Variants in CERS6 observed in about 807,000 individuals in gnomAD.
CERS6 encodes ceramide synthase 6, also known as LAG1 homolog, ceramide synthase 6.
Under a neutral mutation model 56.8 loss-of-function variants are expected in CERS6, and 26 were observed. That is an observed-to-expected ratio of 0.46 (90% confidence interval 0.34 to 0.63). The LOEUF is 0.63. Ranked by LOEUF, CERS6 falls within the 30% of genes least tolerant of loss-of-function variation. The pLI, the probability that CERS6 is intolerant of heterozygous loss-of-function variation, is 0.01. For missense variants in CERS6, 415 were observed against 467.5 expected (o/e 0.89, Z 1.04); for synonymous variants, 164 against 173.3 (o/e 0.95, Z 0.42).
intron 3 of CERS6, among the ~76,000 whole-genome samples, chr2:168,593,898 A>G (rs1228358511): frequency 6.6e-6 from 1 of 152,250 alleles, no homozygotes; most frequent in Non-Finnish European, 1.5e-5. Context: ...AACTTGAACC[A>G]GCCTTAACCA....
intron 1 of CERS6, among the ~76,000 whole-genome samples, chr2:168,544,950 C>G (rs910143177): frequency 6.6e-6 from 1 of 151,754 alleles, no homozygotes; most frequent in Admixed American, 6.6e-5. Context: ...TGGCTTGTTT[C>G]AGTGTAGCTG....
At chr2:168,614,631 C>T (rs1399250436) in intron 3 of CERS6, among the ~76,000 whole-genome samples, 3 of 152,170 alleles carry the variant, frequency 2.0e-5, no homozygotes, top group African/African-American at 4.8e-5. Context: ...CTGCATGACA[C>T]AGCAGAGGCA....
At chr2:168,531,334 T>C (rs1391935279) in intron 1 of CERS6, among the ~76,000 whole-genome samples, 1 of 152,204 alleles carries the variant, frequency 6.6e-6, no homozygotes, top group Admixed American at 6.5e-5. Flanking sequence ...GAAATAATTA[T>C]AGATTCACAG....
At chr2:168,698,933 A>G (rs1020586942) in intron 6 of CERS6, among the ~76,000 whole-genome samples, 1 of 152,190 alleles carries the variant, frequency 6.6e-6, no homozygotes, top group Non-Finnish European at 1.5e-5. Flanking sequence ...TCTGCTGGTC[A>G]GATTAGATTT....
At chr2:168,499,832 A>G (rs1421186626) in intron 1 of CERS6, among the ~76,000 whole-genome samples, 1 of 152,194 alleles carries the variant, frequency 6.6e-6, no homozygotes, top group African/African-American at 2.4e-5. Context: ...GGGAACTGCT[A>G]TACCCAAAAA....
chr2:168,652,710 A>G (rs1273886868), intron 4 of CERS6, among the ~76,000 whole-genome samples: 1 of 152,092 alleles, frequency 6.6e-6, no homozygotes, highest in Non-Finnish European at 1.5e-5. Flanking sequence ...AAACCAATTT[A>G]TTACTACATA....
chr2:168,503,589 G>A (rs1224511704), intron 1 of CERS6, among the ~76,000 whole-genome samples: 1 of 152,166 alleles, frequency 6.6e-6, no homozygotes, highest in Non-Finnish European at 1.5e-5. Flanking sequence ...CCTCAAACAG[G>A]TGGCAGTTCT....
rs138725632 is a variant in CERS6, at chr2:168,514,170, C to T, written c.171-33426C>T. On this transcript the variant is annotated intron_variant, in intron 1 of 9. Coordinates refer to ENST00000305747, the MANE Select transcript of CERS6 (RefSeq NM_203463.3). The stretch of plus-strand genomic sequence containing the variant: ...TGAAAGCTTTTTGACAGTTTAGTTA[C>T]GAATAGTCAGAGTCTGTCAGGCCAA... Among the ~76,000 whole-genome samples the T allele has an allele frequency of 1.1e-3, 174 of 152,272 alleles. 1 individual carries two copies. Among genetic ancestry groups the T allele is most frequent in the African/African-American group, 4.0e-3 (165 of 41,562 alleles).
chr2:168,695,115 GT>G, intron 6 of CERS6, 64 bp downstream of exon 6: 1 of 1,307,368 alleles, frequency 7.6e-7, no homozygotes, highest in East Asian at 2.3e-5. Flanking sequence ...TAGCAGGTGG[GT>G]TTAGACTCTC....
At chr2:168,503,481 A>T (rs562931970) in intron 1 of CERS6, among the ~76,000 whole-genome samples, 1 of 152,318 alleles carries the variant, frequency 6.6e-6, no homozygotes, top group Admixed American at 6.5e-5. Flanking sequence ...AAAGATGCTT[A>T]GTGTGGTGAG....
chr2:168,657,786 G>C (rs989144426), intron 4 of CERS6, among the ~76,000 whole-genome samples: 2 of 152,202 alleles, frequency 1.3e-5, no homozygotes, highest in African/African-American at 4.8e-5. Context: ...GCCCGCAAGC[G>C]CCGCACGCAG....
At position 168,462,757 on chromosome 2, in the gene CERS6, C is replaced by T. The variant is rs531921455; in HGVS notation, c.170+6139C>T. ...GTCTTGCTTTGTTGTCCAGGCTAGT[C>T]TCCTGGCCTCAAGTGATCCTCCCAT... On this transcript the variant is annotated intron_variant, in intron 1 of 9. Coordinates refer to ENST00000305747, the MANE Select transcript of CERS6 (RefSeq NM_203463.3). Among the ~76,000 whole-genome samples, 3 of 152,244 alleles carry T rather than the reference C, an allele frequency of 2.0e-5. No individual in the cohort carries two copies. The South Asian group carries it at 6.2e-4, about 32-fold the overall frequency.
intron 4 of CERS6, among the ~76,000 whole-genome samples, chr2:168,645,140 TATAGAG>T (rs1334903422): frequency 1.3e-4 from 3 of 23,646 alleles, no homozygotes; most frequent in African/African-American, 6.1e-4. Context: ...TATATATATA[TATAGAG>T]AGAGAGAGAG....
intron 1 of CERS6, among the ~76,000 whole-genome samples, chr2:168,534,065 A>C (rs993125507): frequency 6.6e-6 from 1 of 152,072 alleles, no homozygotes; most frequent in Non-Finnish European, 1.5e-5. Flanking sequence ...TTTCAGCTCC[A>C]TCAGGTCATT....
chr2:168,561,462 A>T, intron 3 of CERS6, 140 bp downstream of exon 3: 1 of 832,872 alleles, frequency 1.2e-6, no homozygotes, highest in Non-Finnish European at 1.8e-6. Flanking sequence ...GGAAAAACAC[A>T]GGAAACAGTA....
chr2:168,535,054 C>T (rs1408850633), intron 1 of CERS6, among the ~76,000 whole-genome samples: 2 of 152,238 alleles, frequency 1.3e-5, no homozygotes, highest in African/African-American at 2.4e-5. Context: ...CCAAGCCGTC[C>T]AGCCTCCCTG....
chr2:168,769,849 T>C lies in CERS6; in HGVS notation c.*187T>C, dbSNP rs771301891. 1.5e-5 allele frequency: 9 copies of C among 599,964 alleles called. No homozygotes were observed. The highest frequency in any genetic ancestry group is 1.1e-4 in the African/African-American group (6 of 52,802). 37.2% of individuals were successfully genotyped at this position (599,964 alleles called of 1,614,324 possible). ...ATGAAGAAGAATTACCATTCTCTCT[T>C]TGTAGGCATGCTGTATGTAATTGAC... On this transcript the variant is annotated 3_prime_UTR_variant, in exon 10 of 10. Coordinates refer to ENST00000305747, the MANE Select transcript of CERS6 (RefSeq NM_203463.3).
At chr2:168,688,876 C>A (rs1469520723) in intron 4 of CERS6, among the ~76,000 whole-genome samples, 1 of 152,116 alleles carries the variant, frequency 6.6e-6, no homozygotes, top group Non-Finnish European at 1.5e-5. Context: ...GAAAGCAGAT[C>A]TAGGGGATGC....
chr2:168,679,436 G>A (rs1686153388), intron 4 of CERS6, among the ~76,000 whole-genome samples: 1 of 152,168 alleles, frequency 6.6e-6, no homozygotes, highest in African/African-American at 2.4e-5. Context: ...TACTCCATAA[G>A]TATGTACAAT....
Sources: gnomAD v4.1 joint callset for allele counts (sites outside exome capture counted in the v4.1 genomes callset) on GRCh38, gnomAD v4.1.1 for gene constraint, MANE v1.5 for transcripts, NCBI Gene and HGNC (gene_info 2026-07-23, HGNC 2026-07-21) for gene names.